MAGI2: variants seen among roughly 807,000 people sequenced by gnomAD.
The protein encoded by MAGI2 is membrane-associated guanylate kinase, WW and PDZ domain-containing protein 2.
MAGI2 carries 35 observed loss-of-function variants against 133.3 expected under a neutral mutation model. That is an observed-to-expected ratio of 0.26 (90% confidence interval 0.20 to 0.35). The LOEUF (loss-of-function observed/expected upper bound fraction) is 0.35. Ranked by LOEUF, MAGI2 falls within the 10% of genes least tolerant of loss-of-function variation. The pLI is 1.00. For missense variants in MAGI2, 1,636 were observed against 1,863.4 expected, an observed-to-expected ratio of 0.88 and a Z score of 2.25; for synonymous variants, 729 against 710.6, an observed-to-expected ratio of 1.03 and a Z score of -0.41.
At chr7:78,731,505 T>C (rs1402464287) in intron 2 of MAGI2, among the ~76,000 whole-genome samples, 1 of 152,104 alleles carries the variant, frequency 6.6e-6, no homozygotes, top group Non-Finnish European at 1.5e-5. Flanking sequence ...CTGAGCAACA[T>C]TATAATCCCC....
chr7:78,634,306 G>C (rs926518214), intron 2 of MAGI2, among the ~76,000 whole-genome samples: 11 of 152,220 alleles, frequency 7.2e-5, no homozygotes, highest in African/African-American at 1.2e-4. Context: ...GCCATTTGCT[G>C]AGTCATTTGA....
At chr7:79,083,825 A>G (rs989345825) in intron 1 of MAGI2, among the ~76,000 whole-genome samples, 2 of 151,528 alleles carry the variant, frequency 1.3e-5, no homozygotes, top group Admixed American at 1.3e-4. Flanking sequence ...GAGTTTTGTG[A>G]TTTTTAATAA....
intron 10 of MAGI2, among the ~76,000 whole-genome samples, chr7:78,233,512 C>A (rs1011862023): frequency 6.6e-6 from 1 of 152,028 alleles, no homozygotes; most frequent in Admixed American, 6.6e-5. Context: ...AAAGGCTATT[C>A]CTACAAGAAT....
At chr7:78,481,974 C>T (rs974346) in intron 6 of MAGI2, among the ~76,000 whole-genome samples, 56,843 of 151,588 alleles carry the variant, frequency 0.37, 11,146 homozygotes, top group East Asian at 0.61. Context: ...GAAATACAAA[C>T]TGCAGACTTG....
intron 1 of MAGI2, among the ~76,000 whole-genome samples, chr7:79,442,707 T>C (rs746210887): frequency 2.0e-5 from 3 of 151,938 alleles, no homozygotes; most frequent in African/African-American, 4.8e-5. Flanking sequence ...CCAGAAGAGG[T>C]AATCAATTTT....
At chr7:78,074,707 AAG>A (rs1815089287) in intron 21 of MAGI2, among the ~76,000 whole-genome samples, 1 of 152,214 alleles carries the variant, frequency 6.6e-6, no homozygotes, top group South Asian at 2.1e-4. Context: ...CTTAGACAAA[AAG>A]AATTCTTTTT....
chr7:78,815,419 G>C (rs1213115842), intron 2 of MAGI2, among the ~76,000 whole-genome samples: 1 of 152,192 alleles, frequency 6.6e-6, no homozygotes, highest in Non-Finnish European at 1.5e-5. Flanking sequence ...TGAGAACTCA[G>C]AGACTAACAT....
chr7:79,215,480 C>A (rs957567176), intron 1 of MAGI2, among the ~76,000 whole-genome samples: 3 of 151,968 alleles, frequency 2.0e-5, no homozygotes, highest in Non-Finnish European at 2.9e-5. Context: ...TTCGGGGAGG[C>A]TTGATGTGCA....
intron 7 of MAGI2, chr7:78,358,571 C>T (rs2151226729): frequency 6.4e-6 from 1 of 156,380 alleles, no homozygotes; most frequent in East Asian, 1.9e-4. Flanking sequence ...CCAGGCTGCC[C>T]TGGACCACCT....
intron 2 of MAGI2, among the ~76,000 whole-genome samples, chr7:78,995,234 G>T (rs968712515): frequency 9.2e-5 from 14 of 152,194 alleles, no homozygotes; most frequent in Non-Finnish European, 1.8e-4. Context: ...GTGTTGGGCT[G>T]CATCAAAGCT....
intron 3 of MAGI2, among the ~76,000 whole-genome samples, chr7:78,626,761 A>G (rs576304970): frequency 1.5e-3 from 222 of 152,038 alleles, no homozygotes; most frequent in Non-Finnish European, 2.8e-3. Flanking sequence ...TGACATCTTG[A>G]GATAAAGACG....
chr7:78,684,157 A>G (rs1816010203), intron 2 of MAGI2, among the ~76,000 whole-genome samples: 1 of 152,212 alleles, frequency 6.6e-6, no homozygotes, highest in Non-Finnish European at 1.5e-5. Context: ...ATTGTCCAGA[A>G]AAAGAGCCTA....
intron 2 of MAGI2, among the ~76,000 whole-genome samples, chr7:78,901,104 C>A (rs901900162): frequency 1.3e-5 from 2 of 152,174 alleles, no homozygotes; most frequent in African/African-American, 4.8e-5. Flanking sequence ...AACCCTTGTC[C>A]TTCCAGCATT....
intron 1 of MAGI2, among the ~76,000 whole-genome samples, chr7:79,231,715 G>A (rs1282906466): frequency 7.4e-6 from 1 of 135,618 alleles, no homozygotes; most frequent in Admixed American, 7.7e-5. Flanking sequence ...GGGTTTTCTA[G>A]ATATACAATC....
At chr7:78,093,758 T>C (rs903024921) in intron 20 of MAGI2, among the ~76,000 whole-genome samples, 1 of 152,230 alleles carries the variant, frequency 6.6e-6, no homozygotes, top group African/African-American at 2.4e-5. Context: ...TGCCACGAGA[T>C]ACATGCATTT....
chr7:79,389,963 G>T (rs994181945), intron 1 of MAGI2, among the ~76,000 whole-genome samples: 1 of 152,092 alleles, frequency 6.6e-6, no homozygotes, highest in Admixed American at 6.5e-5. Flanking sequence ...ATATATGGGT[G>T]CTTTTTAAGT....
intron 3 of MAGI2, among the ~76,000 whole-genome samples, chr7:78,625,737 C>A (rs1808274646): frequency 6.6e-6 from 1 of 152,082 alleles, no homozygotes; most frequent in African/African-American, 2.4e-5. Flanking sequence ...CTGTTTTAAT[C>A]TTTTATACCA....
chr7:78,758,017 C>T (rs776885603), intron 2 of MAGI2, among the ~76,000 whole-genome samples: 1 of 152,142 alleles, frequency 6.6e-6, no homozygotes, highest in Non-Finnish European at 1.5e-5. Flanking sequence ...CCTTTCCACC[C>T]CACAGATAGC....
intron 2 of MAGI2, among the ~76,000 whole-genome samples, chr7:78,956,603 G>T (rs1385045864): frequency 3.3e-5 from 5 of 152,052 alleles, no homozygotes; most frequent in Non-Finnish European, 7.4e-5. Flanking sequence ...TTTTTCCCTT[G>T]TAGTGTGGCT....
Sources: gnomAD v4.1 joint callset for allele counts (sites outside exome capture counted in the v4.1 genomes callset) on GRCh38, gnomAD v4.1.1 for gene constraint, MANE v1.5 for transcripts, NCBI Gene and HGNC (gene_info 2026-07-23, HGNC 2026-07-21) for gene names.